The following RFX4 variants were observed in gnomAD, a reference collection of about 807,000 sequenced individuals.
RFX4 encodes regulatory factor X4, also known as transcription factor RFX4.
A neutral mutation model predicts 95.0 loss-of-function variants in RFX4; 10 were observed. The observed-to-expected ratio is 0.11, with a 90% CI of 0.06 to 0.18. The LOEUF is 0.18. Among genes scored for constraint, RFX4 ranks in the 10% least tolerant of loss-of-function variants. RFX4 has a pLI of 1.00. For synonymous variants in RFX4, 321 were observed against 340.7 expected (o/e 0.94, Z 0.64); for missense variants, 640 against 922.0 (o/e 0.69, Z 3.96).
At chr12:106,628,017 G>C (rs1466468941) in intron 2 of RFX4, among the ~76,000 whole-genome samples, 1 of 152,182 alleles carries the variant, frequency 6.6e-6, no homozygotes, top group Non-Finnish European at 1.5e-5. Flanking sequence ...TGCAGTTTTA[G>C]TGCTGGCTGG....
chr12:106,732,465 C>T (rs1376901840), intron 14 of RFX4, among the ~76,000 whole-genome samples: 1 of 152,058 alleles, frequency 6.6e-6, no homozygotes, highest in Non-Finnish European at 1.5e-5. Flanking sequence ...TTTGGGAGGC[C>T]AAGGCGGGCA....
intron 17 of RFX4, 142 bp from the exon 18 acceptor site, chr12:106,761,055 T>A (rs889013676): frequency 2.8e-5 from 26 of 926,458 alleles, no homozygotes; most frequent in Non-Finnish European, 3.8e-5. Flanking sequence ...TTCAGTCTTG[T>A]AGAAGTTCAG....
At chr12:106,638,446 A>T (rs1401717539) in intron 2 of RFX4, among the ~76,000 whole-genome samples, 1 of 152,204 alleles carries the variant, frequency 6.6e-6, no homozygotes, top group African/African-American at 2.4e-5. Context: ...TACAGAAAAT[A>T]TGTGCTAAAC....
intron 2 of RFX4, among the ~76,000 whole-genome samples, chr12:106,629,986 G>A (rs1413682534): frequency 6.6e-6 from 1 of 152,220 alleles, no homozygotes; most frequent in Admixed American, 6.5e-5. Flanking sequence ...AATCTGATAA[G>A]TAAGAAATGC....
intron 1 of RFX4, among the ~76,000 whole-genome samples, chr12:106,584,321 C>G (rs187369798): frequency 4.6e-5 from 7 of 152,260 alleles, no homozygotes; most frequent in Middle Eastern, 3.4e-3. Context: ...CAGTTCACCC[C>G]CTCCCCTAGG....
At chr12:106,596,297 GCT>G (rs889375535) in intron 1 of RFX4, among the ~76,000 whole-genome samples, 1 of 152,164 alleles carries the variant, frequency 6.6e-6, no homozygotes, top group African/African-American at 2.4e-5. Flanking sequence ...CCCTGCACAA[GCT>G]CTCTTTGCCT....
intron 17 of RFX4, among the ~76,000 whole-genome samples, chr12:106,751,730 G>C (rs2043010071): frequency 6.6e-6 from 1 of 152,256 alleles, no homozygotes; most frequent in South Asian, 2.1e-4. Context: ...CTGCACAAAT[G>C]TCTTCTTTTG....
intron 7 of RFX4, among the ~76,000 whole-genome samples, chr12:106,692,155 C>CAAAAAA (rs57751037): frequency 1.1e-5 from 1 of 87,492 alleles, no homozygotes; most frequent in Non-Finnish European, 2.4e-5. Flanking sequence ...GACTCCATCT[C>CAAAAAA]AAAAAAAAAA....
chr12:106,700,731 A>T (rs1233917531), intron 8 of RFX4, among the ~76,000 whole-genome samples: 3 of 152,172 alleles, frequency 2.0e-5, no homozygotes, highest in Admixed American at 2.0e-4. Context: ...CAATTATAAT[A>T]TACCTTCAAA....
intron 13 of RFX4, among the ~76,000 whole-genome samples, chr12:106,730,007 T>C (rs539696794): frequency 3.5e-4 from 54 of 152,230 alleles, no homozygotes; most frequent in Non-Finnish European, 5.9e-5. Flanking sequence ...GTACTGGAGA[T>C]GGAAGAAGGA....
At chr12:106,758,138 C>CT (rs1372753876) in intron 17 of RFX4, among the ~76,000 whole-genome samples, 28 of 152,326 alleles carry the variant, frequency 1.8e-4, no homozygotes, top group African/African-American at 6.7e-4. Context: ...GCCCAGCATG[C>CT]TTAAGGACCC....
chr12:106,705,999 T>C (rs998091897), intron 8 of RFX4, among the ~76,000 whole-genome samples: 17 of 152,216 alleles, frequency 1.1e-4, no homozygotes, highest in Admixed American at 9.8e-4. Context: ...CTGTCACAAC[T>C]ACATGGTCTT....
chr12:106,684,445 G>A (rs2041597624), intron 5 of RFX4, among the ~76,000 whole-genome samples: 1 of 152,122 alleles, frequency 6.6e-6, no homozygotes, highest in Non-Finnish European at 1.5e-5. Flanking sequence ...ATCTGGGGGT[G>A]GCTGGTGAGG....
At chr12:106,606,857 T>G (rs1565947657) in intron 1 of RFX4, among the ~76,000 whole-genome samples, 1 of 152,214 alleles carries the variant, frequency 6.6e-6, no homozygotes, top group African/African-American at 2.4e-5. Context: ...CCTCTCCGCA[T>G]AGCTTACTCG....
At chr12:106,700,402 T>C (rs895794261) in intron 8 of RFX4, among the ~76,000 whole-genome samples, 1 of 149,078 alleles carries the variant, frequency 6.7e-6, no homozygotes, top group Admixed American at 6.7e-5. Context: ...ATCTTCTTTT[T>C]CTTTTTTTTT....
At chr12:106,735,607 C>T (rs994157591) in intron 15 of RFX4, among the ~76,000 whole-genome samples, 5 of 152,110 alleles carry the variant, frequency 3.3e-5, no homozygotes, top group African/African-American at 1.2e-4. Flanking sequence ...TGAAACCATA[C>T]TTTTGAAGTG....
At chr12:106,670,457 G>A (rs996847412) in intron 4 of RFX4, among the ~76,000 whole-genome samples, 5 of 152,308 alleles carry the variant, frequency 3.3e-5, no homozygotes, top group South Asian at 2.1e-4. Context: ...ATTGCCATCC[G>A]TGGTACCCCT....
At chr12:106,661,936 G>T (rs1205321688) in intron 4 of RFX4, among the ~76,000 whole-genome samples, 1 of 152,132 alleles carries the variant, frequency 6.6e-6, no homozygotes, top group Non-Finnish European at 1.5e-5. Context: ...TTGTCTGGAG[G>T]TACCATGGTT....
intron 4 of RFX4, among the ~76,000 whole-genome samples, chr12:106,664,586 C>A (rs568087907): frequency 6.6e-6 from 1 of 151,750 alleles, no homozygotes; most frequent in Admixed American, 6.6e-5. Context: ...GTATCTTCTT[C>A]TTACTTCAGA....
Sources: allele counts gnomAD v4.1 joint callset (sites outside exome capture counted in the v4.1 genomes callset), GRCh38; gene constraint gnomAD v4.1.1; transcripts MANE v1.5; gene names NCBI Gene and HGNC (gene_info 2026-07-23, HGNC 2026-07-21).